The following CPXM2 variants were observed in gnomAD, a reference collection of about 807,000 sequenced individuals.
CPXM2 encodes carboxypeptidase X, M14 family member 2.
A neutral mutation model predicts 86.1 loss-of-function variants in CPXM2; 66 were observed. The observed-to-expected ratio is 0.77, with a 90% CI of 0.63 to 0.94. The LOEUF (loss-of-function observed/expected upper bound fraction) is 0.94. Ranked by LOEUF, CPXM2 falls within the 40% of genes least tolerant of loss-of-function variation. The pLI is 0.00. For synonymous variants in CPXM2, 388 were observed against 400.2 expected, an observed-to-expected ratio of 0.97 and a Z score of 0.36; for missense variants, 948 against 1,026.3, an observed-to-expected ratio of 0.92 and a Z score of 1.04.
rs200009107 is a variant in CPXM2, at chr10:123,878,506, C to CGTGTGTGT, written c.403+1697_403+1704dup. Among the ~76,000 whole-genome samples, 295 of 134,872 alleles carry CGTGTGTGT rather than the reference C, an allele frequency of 2.2e-3. 1 individual carries two copies. The highest frequency in any genetic ancestry group is 7.6e-3 in the Middle Eastern group (2 of 264). 88.5% of individuals were successfully genotyped at this position (134,872 alleles called of 152,430 possible). ...TGGCAGAAAAGGAGGCAAATTCAGA[C>CGTGTGTGT]GTGTGTGTGTGTGTGTGTGTGTGTG... is the stretch of plus-strand genomic sequence containing the variant. On this transcript the variant is annotated intron_variant, in intron 2 of 13. Coordinates refer to ENST00000241305, the MANE Select transcript of CPXM2 (RefSeq NM_198148.3).
At chr10:123,843,330 A>C (rs550877932) in intron 3 of CPXM2, 1 of 452,488 alleles carries the variant, frequency 2.2e-6, no homozygotes, top group African/African-American at 2.0e-5. Context: ...CACCATGTGA[A>C]GAGATAATTC....
upstream of CPXM2, among the ~76,000 whole-genome samples, chr10:123,893,006 A>G (rs1221923849): frequency 3.9e-5 from 6 of 152,316 alleles, no homozygotes; most frequent in East Asian, 1.2e-3. Context: ...CTGTGCTTTT[A>G]AGAGAGTGTG....
At chr10:123,753,794 A>C (rs1014743747) in intron 13 of CPXM2, among the ~76,000 whole-genome samples, 2 of 152,186 alleles carry the variant, frequency 1.3e-5, no homozygotes, top group African/African-American at 4.8e-5. Context: ...ACTGCCTTTT[A>C]GAGATCATCC....
At chr10:123,838,030 C>T (rs1848313645) in intron 4 of CPXM2, among the ~76,000 whole-genome samples, 1 of 152,220 alleles carries the variant, frequency 6.6e-6, no homozygotes, top group Non-Finnish European at 1.5e-5. Flanking sequence ...TGAAAGCTCC[C>T]TGCAGGCAGG....
chr10:123,842,575 G>T, intron 3 of CPXM2, 87 bp from the exon 4 acceptor site: 1 of 1,353,800 alleles, frequency 7.4e-7, no homozygotes, highest in Non-Finnish European at 1.0e-6. Flanking sequence ...GAGAGGAAGG[G>T]AGGGAGGATA....
chr10:123,837,015 G>A (rs190268754), intron 4 of CPXM2, among the ~76,000 whole-genome samples: 5 of 152,218 alleles, frequency 3.3e-5, no homozygotes, highest in South Asian at 4.2e-4. Flanking sequence ...TGGATCTTCC[G>A]CCCAGCGGAG....
chr10:123,757,400 G>A, intron 11 of CPXM2, 48 bp from the exon 12 acceptor site: 1 of 1,556,686 alleles, frequency 6.4e-7, no homozygotes, highest in Non-Finnish European at 8.8e-7. Context: ...ACTCAAAATG[G>A]CACTGGGGAA....
chr10:123,818,914 G>A (rs548697147), intron 4 of CPXM2, among the ~76,000 whole-genome samples: 1 of 152,208 alleles, frequency 6.6e-6, no homozygotes, highest in South Asian at 2.1e-4. Flanking sequence ...AGTGGAAGTG[G>A]CACCACTCAC....
chr10:123,757,981 TGGAAA>T (rs907693495), intron 11 of CPXM2, among the ~76,000 whole-genome samples: 3 of 152,168 alleles, frequency 2.0e-5, no homozygotes, highest in Non-Finnish European at 2.9e-5. Context: ...TGTATGTGTC[TGGAAA>T]GGGCCAGAGT....
intron 2 of CPXM2, chr10:123,913,859 C>T (rs1388213359): frequency 2.6e-6 from 1 of 384,612 alleles, no homozygotes; most frequent in Non-Finnish European, 5.2e-6. Context: ...TTCCAAGCAC[C>T]ATCCCTCCTC....
intron 4 of CPXM2, among the ~76,000 whole-genome samples, chr10:123,809,151 G>A (rs1368654557): frequency 6.6e-6 from 1 of 151,978 alleles, no homozygotes. Context: ...TTATCAGATC[G>A]ACTGACATGA....
chr10:123,755,147 C>T (rs756340035), intron 12 of CPXM2, among the ~76,000 whole-genome samples: 1 of 152,208 alleles, frequency 6.6e-6, no homozygotes, highest in Non-Finnish European at 1.5e-5. Flanking sequence ...GAGCTGGCAC[C>T]TTCCTGGGCA....
At chr10:123,803,118 CTTTTTTTTTTTTTTTTT>C (rs532954173) in intron 4 of CPXM2, among the ~76,000 whole-genome samples, 5 of 63,640 alleles carry the variant, frequency 7.9e-5, no homozygotes, top group Non-Finnish European at 9.2e-5. Context: ...TTGTAGTACC[CTTTTTTTTTTTTTTTTT>C]TTTTTTTTTT....
At chr10:123,770,724 T>C (rs1229660682) in intron 8 of CPXM2, among the ~76,000 whole-genome samples, 192 bp downstream of exon 8, 1 of 152,204 alleles carries the variant, frequency 6.6e-6, no homozygotes, top group Non-Finnish European at 1.5e-5. Context: ...GTGTAAATAA[T>C]TCTATAGTCC....
In CPXM2 at chr10:123,751,059, G is replaced by A. The variant is rs140322794; in HGVS notation, c.2017+3604C>T. 2.0e-3 allele frequency: 1,968 copies of A among 985,368 alleles called. 26 individuals carry two copies. The African/African-American group carries it at 0.029, about 15-fold the overall frequency. The allele number at this position is 985,368 out of a possible 1,614,324, so 61.0% of individuals were successfully genotyped here. On this transcript the variant is annotated intron_variant, in intron 13 of 13. Coordinates refer to ENST00000241305, the MANE Select transcript of CPXM2 (RefSeq NM_198148.3). ...GAAGTCAACACATAATGGGCATCCC[G>A]GGCATTCATGCGTGCCAAGCCTGTC...
At chr10:123,778,648 T>C (rs1038105174) in intron 7 of CPXM2, among the ~76,000 whole-genome samples, 1 of 152,222 alleles carries the variant, frequency 6.6e-6, no homozygotes, top group African/African-American at 2.4e-5. Flanking sequence ...TGCAATTCAC[T>C]CATTTTAAAT....
upstream of CPXM2, among the ~76,000 whole-genome samples, chr10:123,942,394 A>T (rs1217717370): frequency 6.6e-6 from 1 of 152,000 alleles, no homozygotes; most frequent in African/African-American, 2.4e-5. Flanking sequence ...GGTCACAAAG[A>T]CCCCGCTAAT....
In CPXM2 at chr10:123,762,172, G is replaced by A. The variant is rs752494872; in HGVS notation, c.1480-3C>T. Reference sequence around the variant, plus strand: ...ACTGCTCTGGTCTCGGCAGCCACCTGTGAACATCCCAAATGGACGAGTAAA... The same window carrying A: ...ACTGCTCTGGTCTCGGCAGCCACCTATGAACATCCCAAATGGACGAGTAAA... On this transcript the variant is annotated splice_region_variant and splice_polypyrimidine_tract_variant and intron_variant, in intron 10 of 13. Coordinates refer to ENST00000241305, the MANE Select transcript of CPXM2 (RefSeq NM_198148.3). 4 of 1,614,008 alleles carry A rather than the reference G, an allele frequency of 2.5e-6. No homozygotes were observed. The highest frequency in any genetic ancestry group is 2.7e-5 in the African/African-American group (2 of 74,924).
Position 123,842,797 on chromosome 10 carries a change from C to T in CPXM2, c.514-309G>A, listed in dbSNP as rs537115042. On this transcript the variant is annotated intron_variant, in intron 3 of 13. Coordinates refer to ENST00000241305, the MANE Select transcript of CPXM2 (RefSeq NM_198148.3). ...CATAAACCATCTCCCACACAGCAGC[C>T]CACGCACACCAGGTGCTGGGGACGC... Among the ~76,000 whole-genome samples, 4 of 152,324 alleles carry T rather than the reference C, an allele frequency of 2.6e-5. No homozygotes were observed. In the East Asian group the frequency reaches 7.7e-4, roughly 29 times the overall value.
Sources: gnomAD v4.1 joint callset for allele counts (sites outside exome capture counted in the v4.1 genomes callset) on GRCh38, gnomAD v4.1.1 for gene constraint, MANE v1.5 for transcripts, NCBI Gene and HGNC (gene_info 2026-07-23, HGNC 2026-07-21) for gene names.